Variants in PHF21B observed in about 807,000 individuals in gnomAD.
PHF21B encodes PHD finger protein 21B, also known as PHD finger protein 4.
Under a neutral mutation model 62.2 loss-of-function variants are expected in PHF21B, and 22 were observed. The ratio of observed to expected loss-of-function variants is 0.35; its 90% CI spans 0.25 to 0.51. The LOEUF (loss-of-function observed/expected upper bound fraction) is 0.51, where lower values mean the gene tolerates loss of function less well. PHF21B is among the 20% of genes least tolerant of loss of function. The pLI is 0.97. For missense variants in PHF21B, 701 were observed against 707.9 expected (o/e 0.99, Z 0.11); for synonymous variants, 341 against 314.7 (o/e 1.08, Z -0.88).
intron 5 of PHF21B, among the ~76,000 whole-genome samples, chr22:44,903,528 C>T (rs1469106644): frequency 1.3e-5 from 2 of 152,154 alleles, no homozygotes; most frequent in Admixed American, 6.5e-5. Context: ...AGTCTCAGTT[C>T]TAAGTAGCTG....
chr22:44,908,558 T>C (rs900208634), intron 5 of PHF21B, among the ~76,000 whole-genome samples: 3 of 152,166 alleles, frequency 2.0e-5, no homozygotes, highest in Admixed American at 1.3e-4. Flanking sequence ...CCATCCCACA[T>C]GTGCCCTGCT....
chr22:44,935,515 G>T (rs1253393213), intron 2 of PHF21B, among the ~76,000 whole-genome samples: 3 of 152,198 alleles, frequency 2.0e-5, no homozygotes, highest in Non-Finnish European at 4.4e-5. Flanking sequence ...TCGGGAGGCT[G>T]AGGCAGGAGA....
intron 2 of PHF21B, among the ~76,000 whole-genome samples, chr22:44,972,627 G>A (rs570080842): frequency 1.3e-5 from 2 of 152,314 alleles, no homozygotes; most frequent in Non-Finnish European, 2.9e-5. Context: ...CATGTACGTC[G>A]GCTCAGGGTG....
intron 2 of PHF21B, among the ~76,000 whole-genome samples, chr22:45,007,542 CGCGGGCGGGG>C (rs1265331434): frequency 2.6e-5 from 1 of 39,136 alleles, no homozygotes; most frequent in East Asian, 3.7e-4. Flanking sequence ...GGGGGCGCGG[CGCGGGCGGGG>C]GCGGGGCGCG....
chr22:45,002,237 G>A (rs908577656), intron 2 of PHF21B, among the ~76,000 whole-genome samples: 5 of 152,064 alleles, frequency 3.3e-5, no homozygotes, highest in African/African-American at 7.2e-5. Context: ...GTCATTATAC[G>A]TTACATGTGG....
chr22:44,985,915 T>A (rs983776171), intron 2 of PHF21B, among the ~76,000 whole-genome samples: 9 of 142,238 alleles, frequency 6.3e-5, no homozygotes, highest in Admixed American at 2.1e-4. Context: ...AGCACCACCA[T>A]CACCATCAGC....
At chr22:44,955,953 C>T (rs570609291) in intron 2 of PHF21B, among the ~76,000 whole-genome samples, 1 of 152,244 alleles carries the variant, frequency 6.6e-6, no homozygotes, top group African/African-American at 2.4e-5. Flanking sequence ...AGGGCACGCA[C>T]TTCCCTGGCA....
intron 10 of PHF21B, among the ~76,000 whole-genome samples, chr22:44,887,308 G>A (rs936953565): frequency 1.3e-5 from 2 of 152,118 alleles, no homozygotes; most frequent in Non-Finnish European, 2.9e-5. Context: ...TTCTCCCAGG[G>A]TTTTTACTCT....
At chr22:44,883,429 T>C in intron 12 of PHF21B, 125 bp from the exon 13 acceptor site, 1 of 862,246 alleles carries the variant, frequency 1.2e-6, no homozygotes, top group Admixed American at 2.9e-5. Context: ...GCTGAGGGCT[T>C]CACAAAAACC....
intron 12 of PHF21B, among the ~76,000 whole-genome samples, chr22:44,883,918 C>A (rs999332151): frequency 6.6e-6 from 1 of 152,074 alleles, no homozygotes; most frequent in Non-Finnish European, 1.5e-5. Flanking sequence ...TCCCCAGGGC[C>A]CGCTACCATC....
chr22:44,893,872 C>G (rs932110399), intron 6 of PHF21B, among the ~76,000 whole-genome samples: 3 of 152,254 alleles, frequency 2.0e-5, no homozygotes, highest in African/African-American at 7.2e-5. Flanking sequence ...CAGATACCCA[C>G]AGGTTGGGTG....
chr22:45,007,203 T>A (rs1703669717), intron 2 of PHF21B, among the ~76,000 whole-genome samples: 1 of 127,716 alleles, frequency 7.8e-6, no homozygotes, highest in Non-Finnish European at 1.6e-5. Context: ...GGCACTGCCA[T>A]CTTCCTTTCA....
At chr22:44,993,276 CT>C (rs1218057269) in intron 2 of PHF21B, among the ~76,000 whole-genome samples, 4 of 152,346 alleles carry the variant, frequency 2.6e-5, no homozygotes, top group Admixed American at 1.3e-4. Context: ...CACACTCCAG[CT>C]TCAGATATAA....
intron 2 of PHF21B, among the ~76,000 whole-genome samples, chr22:45,001,488 A>G (rs891156866): frequency 2.6e-5 from 4 of 152,112 alleles, no homozygotes; most frequent in African/African-American, 9.7e-5. Context: ...TGGTGGCCAG[A>G]CATCTCACAC....
intron 2 of PHF21B, 144 bp downstream of exon 2, chr22:45,008,401 G>A: frequency 1.5e-6 from 1 of 680,648 alleles, no homozygotes; most frequent in Non-Finnish European, 2.1e-6. Context: ...GAAAGGGGAG[G>A]GGTGGGGAAC....
At chr22:44,931,427 A>C (rs2071739154) in intron 2 of PHF21B, among the ~76,000 whole-genome samples, 1 of 152,020 alleles carries the variant, frequency 6.6e-6, no homozygotes, top group African/African-American at 2.4e-5. Context: ...CCACTTAACC[A>C]ATCGCAGAGG....
At chr22:44,906,922 G>T (rs900539121) in intron 5 of PHF21B, among the ~76,000 whole-genome samples, 1 of 151,012 alleles carries the variant, frequency 6.6e-6, no homozygotes, top group Non-Finnish European at 1.5e-5. Flanking sequence ...AGCACAGTCA[G>T]CCGTGAGACT....
At chr22:44,904,024 A>G (rs2071206405) in intron 5 of PHF21B, among the ~76,000 whole-genome samples, 1 of 151,852 alleles carries the variant, frequency 6.6e-6, no homozygotes, top group Admixed American at 6.5e-5. Flanking sequence ...CTTGGGAAAA[A>G]AAAGCTCCAC....
At chr22:44,934,587 C>T (rs1427234840) in intron 2 of PHF21B, among the ~76,000 whole-genome samples, 3 of 152,192 alleles carry the variant, frequency 2.0e-5, no homozygotes, top group African/African-American at 7.2e-5. Flanking sequence ...GGACAGACCA[C>T]ACCCATCAAG....
Sources: allele counts gnomAD v4.1 joint callset (sites outside exome capture counted in the v4.1 genomes callset), GRCh38; gene constraint gnomAD v4.1.1; transcripts MANE v1.5; gene names NCBI Gene and HGNC (gene_info 2026-07-23, HGNC 2026-07-21).